Variants in CCM2 observed in about 807,000 individuals in gnomAD.
CCM2 encodes the protein CCM2 scaffold protein, also known as cerebral cavernous malformations 2 protein.
CCM2 carries 25 observed loss-of-function variants against 44.9 expected under a neutral mutation model. The ratio of observed to expected loss-of-function variants is 0.56; its 90% confidence interval spans 0.41 to 0.78. The LOEUF (loss-of-function observed/expected upper bound fraction) is 0.78. Among genes scored for constraint, CCM2 ranks in the 30% least tolerant of loss-of-function variants. The pLI is 0.00. For missense variants in CCM2, 481 were observed against 580.6 expected (o/e 0.83, Z 1.76); for synonymous variants, 219 against 241.1 (o/e 0.91, Z 0.85).
At chr7:45,032,174 CT>C (rs1259048057) in intron 1 of CCM2, among the ~76,000 whole-genome samples, 6 of 152,102 alleles carry the variant, frequency 3.9e-5, no homozygotes, top group Non-Finnish European at 8.8e-5. Context: ...TCTAGGAAGG[CT>C]TACCCATCAA....
chr7:45,039,284 T>C (rs1218492005), intron 2 of CCM2, among the ~76,000 whole-genome samples: 1 of 152,242 alleles, frequency 6.6e-6, no homozygotes, highest in Non-Finnish European at 1.5e-5. Context: ...AAAGCCTGTA[T>C]GTGGAATGGA....
intron 2 of CCM2, among the ~76,000 whole-genome samples, chr7:45,059,360 A>C (rs1212072470): frequency 1.3e-5 from 2 of 151,406 alleles, no homozygotes; most frequent in East Asian, 3.9e-4. Flanking sequence ...AGGCAGGAGG[A>C]TCACTTGAGC....
intron 6 of CCM2, 105 bp from the exon 7 acceptor site, chr7:45,072,621 C>A: frequency 1.2e-6 from 1 of 865,618 alleles, no homozygotes. Context: ...TCCCTGAAGA[C>A]CAGGGCTGCC....
chr7:45,000,449 G>C, intron 1 of CCM2, 86 bp downstream of exon 1: 1 of 124,724 alleles, frequency 8.0e-6, no homozygotes, highest in East Asian at 1.4e-4. Context: ...GTGTTCCTTG[G>C]GGCCCGGGGG....
At chr7:45,010,174 G>A (rs1796012885) in intron 1 of CCM2, among the ~76,000 whole-genome samples, 1 of 152,194 alleles carries the variant, frequency 6.6e-6, no homozygotes, top group South Asian at 2.1e-4. Flanking sequence ...GCCTGCCAAA[G>A]TGTTGGTATT....
intron 1 of CCM2, among the ~76,000 whole-genome samples, chr7:45,014,363 A>G (rs1000657422): frequency 1.3e-5 from 2 of 151,774 alleles, no homozygotes; most frequent in African/African-American, 4.8e-5. Flanking sequence ...CTGGTCTCGA[A>G]CTCCTGACCT....
chr7:45,004,771 G>T (rs1346325793), intron 1 of CCM2, among the ~76,000 whole-genome samples: 1 of 152,040 alleles, frequency 6.6e-6, no homozygotes, highest in Non-Finnish European at 1.5e-5. Flanking sequence ...ACTTTGGGAG[G>T]CTGAGGTGGG....
chr7:45,061,990 T>C (rs76629803), intron 2 of CCM2, among the ~76,000 whole-genome samples: 5,669 of 152,238 alleles, frequency 0.037, 367 homozygotes, highest in African/African-American at 0.13. Flanking sequence ...TCCCCTTTCC[T>C]CTCTGCTGGT....
intron 9 of CCM2, 109 bp from the exon 10 acceptor site, chr7:45,075,668 A>G (rs2128637520): frequency 7.2e-7 from 1 of 1,385,722 alleles, no homozygotes; most frequent in Non-Finnish European, 1.0e-6. Context: ...CCCCAAGGCC[A>G]TGCACCAGGG....
At chr7:45,027,517 A>G (rs532338411) in intron 1 of CCM2, 1 of 1,004,254 alleles carries the variant, frequency 1.0e-6, no homozygotes, top group South Asian at 1.5e-5. Flanking sequence ...GTGCATGCAG[A>G]CTGTTTGGAT....
chr7:45,064,717 A>C, intron 4 of CCM2, 71 bp downstream of exon 4: 4 of 1,561,266 alleles, frequency 2.6e-6, no homozygotes, highest in Non-Finnish European at 3.5e-6. Flanking sequence ...GAAGTTCTGG[A>C]GACAGTTTTT....
chr7:45,012,236 T>C (rs1398665747), intron 1 of CCM2, among the ~76,000 whole-genome samples: 4 of 150,938 alleles, frequency 2.7e-5, no homozygotes, highest in African/African-American at 9.8e-5. Flanking sequence ...TGGGTTCAAG[T>C]GATTCTCCTG....
chr7:45,059,894 C>T (rs918355655), intron 2 of CCM2, among the ~76,000 whole-genome samples: 3 of 152,218 alleles, frequency 2.0e-5, no homozygotes, highest in Non-Finnish European at 4.4e-5. Flanking sequence ...CCAGTTCACT[C>T]CTCCCACTGC....
intron 2 of CCM2, among the ~76,000 whole-genome samples, chr7:45,048,520 T>C (rs1797860375): frequency 6.6e-6 from 1 of 152,190 alleles, no homozygotes; most frequent in African/African-American, 2.4e-5. Flanking sequence ...GAAACATTCC[T>C]CTGGGAGGCC....
chr7:45,025,243 A>G (rs1562869434), intron 1 of CCM2, among the ~76,000 whole-genome samples: 1 of 152,156 alleles, frequency 6.6e-6, no homozygotes. Flanking sequence ...AATTTTTTGT[A>G]ATATGGTTCT....
intron 1 of CCM2, among the ~76,000 whole-genome samples, chr7:45,021,895 T>A (rs962014814): frequency 3.9e-5 from 6 of 152,218 alleles, no homozygotes; most frequent in African/African-American, 1.4e-4. Context: ...GCATGTGAAA[T>A]CAACCATGTA....
At chr7:45,021,742 G>T (rs1039263095) in intron 1 of CCM2, among the ~76,000 whole-genome samples, 5 of 151,916 alleles carry the variant, frequency 3.3e-5, no homozygotes, top group African/African-American at 1.2e-4. Context: ...AGACAGGGAG[G>T]AGGAGGAGGG....
In CCM2 at chr7:45,038,199, A is replaced by G. The variant is rs1427357442; in HGVS notation, c.31-54A>G. 3 of 1,606,378 alleles carry G rather than the reference A, an allele frequency of 1.9e-6. No individual in the cohort carries two copies. The Admixed American group carries it at 5.0e-5, about 27-fold the overall frequency. ...ACTTCTGTTTGTTAACCATAGGTACAACACAAAGCATTTGTAAATAATGAA... is the reference window on the plus strand; with the variant it reads ...ACTTCTGTTTGTTAACCATAGGTACGACACAAAGCATTTGTAAATAATGAA... On this transcript the variant is annotated intron_variant, in intron 1 of 9. Coordinates refer to ENST00000258781, the MANE Select transcript of CCM2 (RefSeq NM_031443.4).
At chr7:45,049,023 A>G (rs931266343) in intron 2 of CCM2, among the ~76,000 whole-genome samples, 1 of 152,222 alleles carries the variant, frequency 6.6e-6, no homozygotes, top group African/African-American at 2.4e-5. Flanking sequence ...TGACACAGTC[A>G]TGACTCACTG....
Sources: gnomAD v4.1 joint callset for allele counts (sites outside exome capture counted in the v4.1 genomes callset) on GRCh38, gnomAD v4.1.1 for gene constraint, MANE v1.5 for transcripts, NCBI Gene and HGNC (gene_info 2026-07-23, HGNC 2026-07-21) for gene names.